GALNT17: variants seen among roughly 807,000 people sequenced by gnomAD.
GALNT17 encodes UDP-GalNAc:polypeptide N-acetylgalactosaminyltransferase-like 3.
A neutral mutation model predicts 63.7 loss-of-function variants in GALNT17; 29 were observed. The observed-to-expected ratio is 0.46, with a 90% CI of 0.34 to 0.62. The LOEUF (loss-of-function observed/expected upper bound fraction) is 0.62, where lower values mean the gene tolerates loss of function less well. GALNT17 is among the 20% of genes least tolerant of loss of function. The pLI, the probability that GALNT17 is intolerant of heterozygous loss-of-function variation, is 0.01. For synonymous variants in GALNT17, 305 were observed against 318.3 expected (o/e 0.96, Z 0.45); for missense variants, 603 against 799.6 (o/e 0.75, Z 2.97).
chr7:71,438,898 T>C (rs1334803341), intron 5 of GALNT17, among the ~76,000 whole-genome samples: 2 of 152,016 alleles, frequency 1.3e-5, no homozygotes, highest in South Asian at 2.1e-4. Context: ...TTTTTTTTTT[T>C]TTTGGAGACA....
chr7:71,457,924 C>T (rs943479917), intron 5 of GALNT17, among the ~76,000 whole-genome samples: 4 of 152,134 alleles, frequency 2.6e-5, no homozygotes, highest in African/African-American at 4.8e-5. Context: ...ACAGCTCTGA[C>T]ATTTTTACAC....
rs369099004 is a variant in GALNT17 at position 71,377,115 on chromosome 7, ATATATATAT to A, written c.423-11119_423-11111del. On this transcript the variant is annotated intron_variant, in intron 2 of 10. Transcript: ENST00000333538. ...AAAAAAAAAAATAAAAATAAAAAAA[ATATATATAT>A]ATATATATATATATATAAAATCTCC... 8.0e-3 allele frequency among the ~76,000 whole-genome samples: 309 copies of A among 38,480 alleles called. 8 individuals are homozygous for A. The highest frequency in any genetic ancestry group is 0.014 in the South Asian group (19 of 1,400). The allele number at this position is 38,480 out of a possible 152,430, so 25.2% of individuals were successfully genotyped here. A position where few individuals can be genotyped will look rare whatever the true frequency, so the allele number is the denominator to read the frequency against.
At chr7:71,204,733 T>G (rs952787790) in intron 1 of GALNT17, among the ~76,000 whole-genome samples, 1 of 151,850 alleles carries the variant, frequency 6.6e-6, no homozygotes, top group African/African-American at 2.4e-5. Flanking sequence ...ACCTGCCTAC[T>G]TTGTTTTTTT....
intron 5 of GALNT17, among the ~76,000 whole-genome samples, chr7:71,553,373 T>C (rs1032854196): frequency 1.3e-5 from 2 of 152,166 alleles, no homozygotes; most frequent in African/African-American, 2.4e-5. Flanking sequence ...TTTTAGGCTA[T>C]AGAGTTGGTC....
At chr7:71,681,987 C>T (rs1262142379) in intron 9 of GALNT17, among the ~76,000 whole-genome samples, 1 of 151,964 alleles carries the variant, frequency 6.6e-6, no homozygotes, top group South Asian at 2.1e-4. Context: ...AGTGCAATGG[C>T]GCGATCTCGG....
intron 9 of GALNT17, among the ~76,000 whole-genome samples, chr7:71,692,737 ATTTT>A (rs35774725): frequency 4.1e-4 from 61 of 147,314 alleles, no homozygotes; most frequent in Admixed American, 2.1e-3. Flanking sequence ...TTTTTATTCT[ATTTT>A]TTTTTTTTTA....
At chr7:71,423,774 T>C (rs1786708615) in intron 5 of GALNT17, among the ~76,000 whole-genome samples, 1 of 151,376 alleles carries the variant, frequency 6.6e-6, no homozygotes, top group Non-Finnish European at 1.5e-5. Context: ...AAAAAAAAAA[T>C]TAGCCGGGGT....
intron 6 of GALNT17, among the ~76,000 whole-genome samples, chr7:71,611,118 C>G (rs183786877): frequency 2.0e-5 from 3 of 152,214 alleles, no homozygotes; most frequent in Admixed American, 2.0e-4. Context: ...TTCAGATTAT[C>G]TCGCAGCAAA....
At chr7:71,304,892 C>T (rs1180539884) in intron 1 of GALNT17, among the ~76,000 whole-genome samples, 2 of 152,020 alleles carry the variant, frequency 1.3e-5, no homozygotes, top group Non-Finnish European at 2.9e-5. Flanking sequence ...TACAGGTGCC[C>T]GCCACCATGC....
chr7:71,275,869 G>A (rs67344381), intron 1 of GALNT17, among the ~76,000 whole-genome samples: 41,024 of 152,036 alleles, frequency 0.27, 6,992 homozygotes, highest in Admixed American at 0.39. Flanking sequence ...GACTCTTGGA[G>A]TCCTGGGAGA....
At chr7:71,504,885 G>A (rs996420166) in intron 5 of GALNT17, among the ~76,000 whole-genome samples, 9 of 151,942 alleles carry the variant, frequency 5.9e-5, no homozygotes, top group East Asian at 1.9e-4. Context: ...GCAGCTACCC[G>A]AGGTCATACC....
chr7:71,567,275 G>A (rs149487020), intron 5 of GALNT17, among the ~76,000 whole-genome samples: 2 of 152,262 alleles, frequency 1.3e-5, no homozygotes, highest in African/African-American at 4.8e-5. Context: ...GGGTGAACCT[G>A]CTACACCAGC....
At chr7:71,495,599 G>A (rs2116684815) in intron 5 of GALNT17, among the ~76,000 whole-genome samples, 1 of 152,284 alleles carries the variant, frequency 6.6e-6, no homozygotes, top group African/African-American at 2.4e-5. Context: ...CAGGGCCGAG[G>A]TCTGATCCCC....
intron 1 of GALNT17, among the ~76,000 whole-genome samples, chr7:71,149,014 C>T (rs1026958961): frequency 3.3e-5 from 5 of 151,820 alleles, no homozygotes; most frequent in African/African-American, 1.2e-4. Flanking sequence ...TCACTGCAGC[C>T]TCGAACTCCT....
At chr7:71,360,762 G>A (rs1373457176) in intron 2 of GALNT17, among the ~76,000 whole-genome samples, 7 of 151,970 alleles carry the variant, frequency 4.6e-5, no homozygotes, top group Admixed American at 2.0e-4. Flanking sequence ...GCAAAACCCC[G>A]TCTCTACTAA....
intron 1 of GALNT17, among the ~76,000 whole-genome samples, chr7:71,235,556 C>T (rs1213635224): frequency 6.6e-6 from 1 of 152,138 alleles, no homozygotes; most frequent in Admixed American, 6.5e-5. Context: ...GAATTAGTTT[C>T]CATAAGACCA....
At chr7:71,277,518 A>T (rs1309662376) in intron 1 of GALNT17, among the ~76,000 whole-genome samples, 1 of 152,210 alleles carries the variant, frequency 6.6e-6, no homozygotes, top group South Asian at 2.1e-4. Flanking sequence ...TTTTAAAAAG[A>T]ATATTACAAA....
intron 1 of GALNT17, among the ~76,000 whole-genome samples, chr7:71,287,516 G>C (rs1012396210): frequency 6.6e-6 from 1 of 151,876 alleles, no homozygotes; most frequent in Non-Finnish European, 1.5e-5. Flanking sequence ...TATTTCTCTC[G>C]CTTCTGTTAT....
intron 9 of GALNT17, among the ~76,000 whole-genome samples, chr7:71,701,843 G>GTATATA (rs748494176): frequency 1.0e-3 from 29 of 28,680 alleles, no homozygotes; most frequent in Admixed American, 2.3e-3. Context: ...ATATATATGT[G>GTATATA]TATATATATA....
Sources: allele counts gnomAD v4.1 joint callset (sites outside exome capture counted in the v4.1 genomes callset), GRCh38; gene constraint gnomAD v4.1.1; transcripts MANE v1.5; gene names NCBI Gene and HGNC (gene_info 2026-07-23, HGNC 2026-07-21).